CEP164: variants seen among roughly 807,000 people sequenced by gnomAD.
CEP164 encodes the protein centrosomal protein 164, also known as centrosomal protein of 164 kDa.
In CEP164, 162 loss-of-function variants were observed where a neutral mutation model predicts 182.7. The observed-to-expected ratio is 0.89, with a 90% CI of 0.78 to 1.01. CEP164 has a LOEUF of 1.01. Ranked by LOEUF, CEP164 falls within the 50% of genes least tolerant of loss-of-function variation. The pLI is 0.00. For synonymous variants in CEP164, 661 were observed against 690.0 expected, an observed-to-expected ratio of 0.96 and a Z score of 0.66; for missense variants, 1,735 against 1,790.4, an observed-to-expected ratio of 0.97 and a Z score of 0.56.
Position 117,361,206 on chromosome 11 carries a change from A to G in CEP164, c.394-629A>G, listed in dbSNP as rs1205666770. 2.9e-5 allele frequency among the ~76,000 whole-genome samples: 4 copies of G among 135,854 alleles called. No homozygotes were observed. In the East Asian group the frequency reaches 9.0e-4, roughly 31 times the overall value. 89.1% of individuals were successfully genotyped at this position (135,854 alleles called of 152,430 possible). A position where few individuals can be genotyped will look rare whatever the true frequency, so the allele number is the denominator to read the frequency against. ...CACCTCAGCCTCCCAAAGTGCTGGA[A>G]TTACAGGCGTGAGCCACTGCGCCTG... On this transcript the variant is annotated intron_variant, in intron 5 of 32. Transcript: ENST00000278935.
At chr11:117,335,266 C>T (rs1261335523) in intron 1 of CEP164, among the ~76,000 whole-genome samples, 1 of 152,176 alleles carries the variant, frequency 6.6e-6, no homozygotes, top group East Asian at 1.9e-4. Context: ...AGCACATTCC[C>T]ACTTCAGCTT....
chr11:117,395,276 G>C (rs1434271733), intron 23 of CEP164, 85 bp downstream of exon 23: 1 of 1,498,594 alleles, frequency 6.7e-7, no homozygotes, highest in Non-Finnish European at 9.2e-7. Flanking sequence ...TTGTTCATCT[G>C]ATCTGTCCAG....
intron 27 of CEP164, among the ~76,000 whole-genome samples, chr11:117,398,004 C>G (rs1250992605): frequency 6.6e-6 from 1 of 152,216 alleles, no homozygotes; most frequent in African/African-American, 2.4e-5. Flanking sequence ...TCATCTGAGA[C>G]AAGGCAAGTC....
At chr11:117,344,692 C>T (rs955982608) in intron 4 of CEP164, among the ~76,000 whole-genome samples, 6 of 152,110 alleles carry the variant, frequency 3.9e-5, no homozygotes, top group African/African-American at 1.4e-4. Flanking sequence ...TTTGGGAGGC[C>T]GAGGTGGGTG....
chr11:117,361,951 G>GAGCTCAGTGGAGTCTGGAC lies in CEP164; in HGVS notation c.511_529dup (p.Arg177GlnfsTer34). 1 of 1,600,504 alleles carries GAGCTCAGTGGAGTCTGGAC rather than the reference G, an allele frequency of 6.2e-7. No homozygotes were observed. The highest frequency in any genetic ancestry group is 1.1e-5 in the South Asian group (1 of 88,692). ...GTGGATCTCAAAGCGTGAGCCTGGG[G>GAGCTCAGTGGAGTCTGGAC]AGCTCAGTGGAGTCTGGACGTCAGC... is the stretch of plus-strand genomic sequence containing the variant. On this transcript the variant is annotated frameshift_variant, in exon 6 of 33. Coordinates refer to ENST00000278935, the MANE Select transcript of CEP164 (RefSeq NM_014956.5). LOFTEE classifies it high-confidence loss of function.
At chr11:117,346,098 G>A (rs2038855211) in intron 4 of CEP164, among the ~76,000 whole-genome samples, 1 of 152,260 alleles carries the variant, frequency 6.6e-6, no homozygotes, top group South Asian at 2.1e-4. Context: ...CATGTTTGTA[G>A]GATGAATTTA....
chr11:117,356,978 T>C (rs595367), intron 5 of CEP164, among the ~76,000 whole-genome samples: 30,834 of 152,102 alleles, frequency 0.2, 3,176 homozygotes, highest in Admixed American at 0.25. Flanking sequence ...TGGGAAGTTT[T>C]TCCTATCAGC....
chr11:117,392,660 C>T (rs755067252), intron 19 of CEP164, 33 bp downstream of exon 19: 32 of 1,606,136 alleles, frequency 2.0e-5, no homozygotes, highest in Non-Finnish European at 2.6e-5. Context: ...CAGTCGTGTG[C>T]GCCTGTTGTG....
chr11:117,382,010 T>TCAG (rs1005918534), intron 13 of CEP164, 142 bp downstream of exon 13: 10 of 674,914 alleles, frequency 1.5e-5, no homozygotes, highest in East Asian at 3.2e-5. Context: ...GTTTGTAGCC[T>TCAG]CAGCAGCAGC....
intron 1 of CEP164, among the ~76,000 whole-genome samples, chr11:117,334,557 C>T (rs371458517): frequency 6.6e-5 from 10 of 151,968 alleles, no homozygotes; most frequent in Admixed American, 2.0e-4. Context: ...AGGCCAGGGC[C>T]GGTGGATCAC....
intron 2 of CEP164, chr11:117,336,283 T>A: frequency 6.5e-7 from 1 of 1,549,592 alleles, no homozygotes; most frequent in Non-Finnish European, 8.9e-7. Flanking sequence ...CATCTTTTTA[T>A]GAGCTTTCTT....
intron 27 of CEP164, among the ~76,000 whole-genome samples, chr11:117,405,997 C>T (rs2046631699): frequency 6.6e-6 from 1 of 152,238 alleles, no homozygotes; most frequent in South Asian, 2.1e-4. Flanking sequence ...CCACATTTTC[C>T]TGTCTTCTTC....
intron 4 of CEP164, 92 bp from the exon 5 acceptor site, chr11:117,351,698 A>G: frequency 8.7e-7 from 1 of 1,155,130 alleles, no homozygotes; most frequent in Non-Finnish European, 1.2e-6. Flanking sequence ...CTCCTCTTTC[A>G]CCTCCTCTCC....
intron 9 of CEP164, among the ~76,000 whole-genome samples, chr11:117,373,006 TG>T (rs2135954078): frequency 6.6e-6 from 1 of 152,314 alleles, no homozygotes; most frequent in East Asian, 1.9e-4. Flanking sequence ...GGAGATCCTT[TG>T]GCCTTTTAGA....
intron 27 of CEP164, 98 bp from the exon 28 acceptor site, chr11:117,407,827 G>T: frequency 1.3e-6 from 1 of 757,892 alleles, no homozygotes. Flanking sequence ...GCAGACTATA[G>T]TAATTTGTTC....
At chr11:117,373,921 C>T in intron 10 of CEP164, 90 bp downstream of exon 10, 1 of 1,104,984 alleles carries the variant, frequency 9.0e-7, no homozygotes, top group Non-Finnish European at 1.4e-6. Flanking sequence ...CATCACGCAG[C>T]TTATAAGTGG....
intron 5 of CEP164, among the ~76,000 whole-genome samples, chr11:117,359,047 T>C (rs762817654): frequency 3.3e-4 from 50 of 151,826 alleles, no homozygotes; most frequent in Non-Finnish European, 6.3e-4. Flanking sequence ...CAGGTTCAAG[T>C]GATTCTCCTG....
At chr11:117,354,418 G>A (rs654479) in intron 5 of CEP164, among the ~76,000 whole-genome samples, 32,965 of 152,072 alleles carry the variant, frequency 0.22, 3,727 homozygotes, top group African/African-American at 0.27. Flanking sequence ...TGTAGTTTGT[G>A]GTAGAGCCCT....
intron 14 of CEP164, 77 bp downstream of exon 14, chr11:117,383,019 G>T (rs1017169634): frequency 6.7e-7 from 1 of 1,496,954 alleles, no homozygotes; most frequent in Non-Finnish European, 9.0e-7. Context: ...ACTCTTGGGT[G>T]GTGGGAGGTG....
Sources: allele counts gnomAD v4.1 joint callset (sites outside exome capture counted in the v4.1 genomes callset), GRCh38; gene constraint gnomAD v4.1.1; transcripts MANE v1.5; gene names NCBI Gene and HGNC (gene_info 2026-07-23, HGNC 2026-07-21).